The following RARB variants were observed in gnomAD, a reference collection of about 807,000 sequenced individuals.
RARB encodes the protein HBV-activated protein.
In RARB, 17 loss-of-function variants were observed where a neutral mutation model predicts 51.9. The ratio of observed to expected loss-of-function variants is 0.33; its 90% confidence interval spans 0.22 to 0.49. The LOEUF (loss-of-function observed/expected upper bound fraction) is 0.49. Ranked by LOEUF, RARB falls within the 20% of genes least tolerant of loss-of-function variation. The pLI is 0.99. For synonymous variants in RARB, 215 were observed against 195.4 expected (o/e 1.10, Z -0.84); for missense variants, 369 against 550.8 (o/e 0.67, Z 3.30).
At position 25,452,664 on chromosome 3, in the gene RARB, C is replaced by CG. The variant is rs55890354; in HGVS notation, c.158-8521dup. 2.3e-3 allele frequency among the ~76,000 whole-genome samples: 342 copies of CG among 149,460 alleles called. 1 individual carries two copies. Among genetic ancestry groups the CG allele is most frequent in the Admixed American group, 4.1e-3 (62 of 15,104 alleles). ...AGATGGAAAATGAGAATTTAAAAAGCGGGGGGGGTTTGGTGAGATAATAGT... is the reference window on the plus strand; with the variant it reads ...AGATGGAAAATGAGAATTTAAAAAGCGGGGGGGGGTTTGGTGAGATAATAGT... On this transcript the variant is annotated intron_variant, in intron 1 of 7. Coordinates refer to ENST00000330688, the MANE Select transcript of RARB (RefSeq NM_000965.5).
chr3:25,556,290 G>T (rs1361770385), intron 3 of RARB, among the ~76,000 whole-genome samples: 1 of 152,132 alleles, frequency 6.6e-6, no homozygotes, highest in Non-Finnish European at 1.5e-5. Context: ...TTCACTCAGG[G>T]GAAGGCTAAG....
At position 25,014,585 on chromosome 3, in the gene RARB, T is replaced by A. The variant is rs115422906; in HGVS notation, c.-379-45540T>A. On this transcript the variant is annotated intron_variant, in intron 2 of 11. Coordinates refer to the RARB transcript ENST00000383772. Reference sequence around the variant, plus strand: ...CTGAGTAAGTGTAGCCAATGTCACATAGAGTAGAGATGGTTCAGCCCCACT... The same window carrying A: ...CTGAGTAAGTGTAGCCAATGTCACAAAGAGTAGAGATGGTTCAGCCCCACT... 7.0e-3 allele frequency among the ~76,000 whole-genome samples: 1,068 copies of A among 152,142 alleles called. 14 individuals are homozygous for A. The highest frequency in any genetic ancestry group is 0.024 in the African/African-American group (1,017 of 41,520).
chr3:25,064,936 A>G (rs138790011), intron 3 of RARB, among the ~76,000 whole-genome samples: 1 of 152,174 alleles, frequency 6.6e-6, no homozygotes, highest in Non-Finnish European at 1.5e-5. Context: ...CAAATGCCCT[A>G]CACTAACCCA....
intron 2 of RARB, among the ~76,000 whole-genome samples, chr3:24,945,280 C>CT (rs1379812153): frequency 6.6e-6 from 1 of 152,134 alleles, no homozygotes; most frequent in Non-Finnish European, 1.5e-5. Flanking sequence ...GAGCCATAAT[C>CT]TTTTTTTCTC....
At chr3:24,887,785 C>T (rs1703292149) in intron 2 of RARB, among the ~76,000 whole-genome samples, 1 of 152,160 alleles carries the variant, frequency 6.6e-6, no homozygotes, top group Admixed American at 6.6e-5. Flanking sequence ...GGGAGGAAGG[C>T]ACTACTGACT....
chr3:25,078,460 G>A (rs1278830228), intron 3 of RARB, among the ~76,000 whole-genome samples: 1 of 151,334 alleles, frequency 6.6e-6, no homozygotes, highest in African/African-American at 2.4e-5. Flanking sequence ...TTTATTGATG[G>A]ATTTATCTAT....
chr3:25,579,786 A>G (rs1045069757), intron 4 of RARB, among the ~76,000 whole-genome samples: 1 of 152,094 alleles, frequency 6.6e-6, no homozygotes, highest in African/African-American at 2.4e-5. Flanking sequence ...GTGTCCCTGG[A>G]TTTCCTGAGG....
chr3:24,840,466 C>T (rs529189614), intron 1 of RARB, among the ~76,000 whole-genome samples: 17 of 152,176 alleles, frequency 1.1e-4, no homozygotes, highest in East Asian at 9.7e-4. Context: ...GCTGTGGGTT[C>T]GTAGTGACAG....
intron 3 of RARB, among the ~76,000 whole-genome samples, chr3:25,506,211 C>G (rs1162765773): frequency 7.0e-6 from 1 of 142,342 alleles, no homozygotes; most frequent in Non-Finnish European, 1.5e-5. Flanking sequence ...CGAGATCGCA[C>G]CATTGCACTC....
chr3:25,546,972 A>G (rs943295700), intron 3 of RARB, among the ~76,000 whole-genome samples: 1 of 152,136 alleles, frequency 6.6e-6, no homozygotes, highest in African/African-American at 2.4e-5. Flanking sequence ...TTATATAGCA[A>G]TTTGCTTAGT....
At chr3:25,368,601 C>G (rs1706204134) in intron 5 of RARB, among the ~76,000 whole-genome samples, 3 of 152,134 alleles carry the variant, frequency 2.0e-5, no homozygotes, top group Admixed American at 6.5e-5. Context: ...TCACTGAAAA[C>G]CTAGGTCATG....
At chr3:25,475,061 C>G (rs1209914409) in intron 2 of RARB, among the ~76,000 whole-genome samples, 1 of 151,950 alleles carries the variant, frequency 6.6e-6, no homozygotes, top group Non-Finnish European at 1.5e-5. Context: ...GTTTTTAAAC[C>G]CAAATTCATA....
intron 5 of RARB, among the ~76,000 whole-genome samples, chr3:25,190,819 A>C (rs1375459943): frequency 6.6e-6 from 1 of 152,136 alleles, no homozygotes; most frequent in Admixed American, 6.6e-5. Flanking sequence ...GATTTACAAA[A>C]GTAATTCCTG....
intron 2 of RARB, among the ~76,000 whole-genome samples, chr3:25,039,567 C>G (rs542642811): frequency 6.6e-6 from 1 of 152,060 alleles, no homozygotes; most frequent in Non-Finnish European, 1.5e-5. Context: ...TGGGCATAAC[C>G]GATCACACTG....
At chr3:24,991,424 C>G (rs1696906719) in intron 2 of RARB, among the ~76,000 whole-genome samples, 1 of 135,982 alleles carries the variant, frequency 7.4e-6, no homozygotes, top group African/African-American at 2.9e-5. Flanking sequence ...GCCTGGGCAA[C>G]AAGAGCAAAA....
chr3:25,558,745 C>T, intron 3 of RARB, among the ~76,000 whole-genome samples: 1 of 152,082 alleles, frequency 6.6e-6, no homozygotes, highest in East Asian at 1.9e-4. Flanking sequence ...CAGAAACTGG[C>T]TTCCCTACTC....
At chr3:25,208,025 G>T (rs1047695944) in intron 5 of RARB, among the ~76,000 whole-genome samples, 2 of 151,422 alleles carry the variant, frequency 1.3e-5, no homozygotes, top group South Asian at 4.2e-4. Context: ...AGGGCAAGGG[G>T]GGGAGCAAAT....
rs59698103 is a variant in RARB, at chr3:25,081,604, TA to T, written c.-328+21429del. 8.6e-3 allele frequency among the ~76,000 whole-genome samples: 128 copies of T among 14,808 alleles called. 3 individuals carry two copies. The highest frequency in any genetic ancestry group is 0.036 in the Admixed American group (47 of 1,322). The allele number at this position is 14,808 out of a possible 152,430, so 9.7% of individuals were successfully genotyped here. ...TCATATACATATATATATATATATA[TA>T]TATATATATATATATATTTTTTTTT... On this transcript the variant is annotated intron_variant, in intron 3 of 11. Transcript: ENST00000383772.
intron 5 of RARB, among the ~76,000 whole-genome samples, chr3:25,273,570 T>C (rs779966482): frequency 1.3e-5 from 2 of 152,150 alleles, no homozygotes; most frequent in East Asian, 1.9e-4. Flanking sequence ...GAGACAGTGA[T>C]AGGATAGCAC....
Sources: gnomAD v4.1 joint callset for allele counts (sites outside exome capture counted in the v4.1 genomes callset) on GRCh38, gnomAD v4.1.1 for gene constraint, MANE v1.5 for transcripts, NCBI Gene and HGNC (gene_info 2026-07-23, HGNC 2026-07-21) for gene names.